RUVBL1: variants seen among roughly 807,000 people sequenced by gnomAD.
The protein encoded by RUVBL1 is ruvB-like 1.
Under a neutral mutation model 52.4 loss-of-function variants are expected in RUVBL1, and 4 were observed. That is an observed-to-expected ratio of 0.08 (90% CI 0.04 to 0.17). The LOEUF is 0.17. Among genes scored for constraint, RUVBL1 ranks in the 10% least tolerant of loss-of-function variants. The pLI is 1.00. For missense variants in RUVBL1, 298 were observed against 572.8 expected, an observed-to-expected ratio of 0.52 and a Z score of 4.90; for synonymous variants, 217 against 214.4, an observed-to-expected ratio of 1.01 and a Z score of -0.10.
At chr3:128,129,157 A>C (rs1032174161) in intron 1 of RUVBL1, among the ~76,000 whole-genome samples, 3 of 152,160 alleles carry the variant, frequency 2.0e-5, no homozygotes, top group Non-Finnish European at 2.9e-5. Context: ...GCTATCTCAA[A>C]AGTCCAGGGT....
intron 1 of RUVBL1, among the ~76,000 whole-genome samples, chr3:128,146,825 GTGTGTGCGCACT>G (rs1219174928): frequency 6.6e-6 from 1 of 151,904 alleles, no homozygotes; most frequent in Non-Finnish European, 1.5e-5. Flanking sequence ...ATGCATCTGT[GTGTGTGCGCACT>G]TGTGTGCGTT....
chr3:128,108,664 C>T (rs887309112), intron 3 of RUVBL1, among the ~76,000 whole-genome samples: 19 of 151,698 alleles, frequency 1.3e-4, no homozygotes, highest in Admixed American at 9.8e-4. Flanking sequence ...GCCACGTACT[C>T]CAGCATGGGC....
chr3:128,079,968 G>A (rs984120402), downstream of RUVBL1, among the ~76,000 whole-genome samples: 3 of 152,196 alleles, frequency 2.0e-5, no homozygotes, highest in Non-Finnish European at 2.9e-5. Context: ...AACAGCGTCC[G>A]GGTACTTAGC....
rs72986259 is a variant in RUVBL1, at chr3:128,107,853, G to A, written c.362-2929C>T. 8.7e-4 allele frequency among the ~76,000 whole-genome samples: 133 copies of A among 152,292 alleles called. 1 individual carries two copies. The highest frequency in any genetic ancestry group is 3.1e-3 in the African/African-American group (129 of 41,564). On this transcript the variant is annotated intron_variant, in intron 3 of 10. Transcript: ENST00000322623. The stretch of plus-strand genomic sequence containing the variant: ...AATCAAACCTTTTATATCCCACAGC[G>A]ATAAATTCCTTCAAATGGAATGCTT...
chr3:128,145,563 G>C (rs899910020), intron 1 of RUVBL1, among the ~76,000 whole-genome samples: 1 of 152,182 alleles, frequency 6.6e-6, no homozygotes, highest in Non-Finnish European at 1.5e-5. Flanking sequence ...TTGGGGTGGG[G>C]TGGATGGGCA....
rs1944196654 is a variant in RUVBL1, at chr3:128,150,995, A to ATATATTCTATATATAT, written c.-40+2207_-40+2208insATATATATAGAATATA. Among the ~76,000 whole-genome samples the ATATATTCTATATATAT allele has an allele frequency of 6.4e-5, 5 of 77,528 alleles. No homozygotes were observed. In the South Asian group the frequency reaches 1.7e-3, roughly 27 times the overall value. 50.9% of individuals were successfully genotyped at this position (77,528 alleles called of 152,430 possible). ...ATATATTATATATTCTATATATATT[A>ATATATTCTATATATAT]TATATATTATATTATATATTATATA... On this transcript the variant is annotated intron_variant, in intron 1 of 9. Transcript: ENST00000464873.
rs370619568 is a variant in RUVBL1 at position 128,065,034 on chromosome 3, C to T, written c.*178G>A. 4.1e-4 allele frequency: 667 copies of T among 1,614,110 alleles called. No individual in the cohort carries two copies. Among genetic ancestry groups the T allele is most frequent in the Non-Finnish European group, 5.4e-4 (635 of 1,180,032 alleles). ...TTGTCTTTGCAGTGGTCATCTATTT[C>T]CAGGTGTGTCCAGATCCAACCCCAG... On this transcript the variant is annotated 3_prime_UTR_variant, in exon 10 of 10. Transcript: ENST00000464873.
chr3:128,103,602 A>G (rs1186854078), intron 4 of RUVBL1, among the ~76,000 whole-genome samples: 2 of 152,232 alleles, frequency 1.3e-5, no homozygotes, highest in Non-Finnish European at 2.9e-5. Context: ...GAGAAAACTG[A>G]GTCCCAGAGA....
chr3:128,108,577 T>A (rs967233380), intron 3 of RUVBL1, among the ~76,000 whole-genome samples: 3 of 152,034 alleles, frequency 2.0e-5, no homozygotes, highest in Admixed American at 2.0e-4. Flanking sequence ...TTCACGCCTG[T>A]AATCCCAGGA....
chr3:128,077,810 G>C (rs990388225), downstream of RUVBL1, among the ~76,000 whole-genome samples: 1 of 152,252 alleles, frequency 6.6e-6, no homozygotes, highest in Non-Finnish European at 1.5e-5. Flanking sequence ...GGCCTAGCAG[G>C]CTGCTTCCTC....
rs141969812 is a variant in RUVBL1, at chr3:128,135,304, G to A, written c.-39-15890C>T. Among the ~76,000 whole-genome samples, 1,299 of 152,294 alleles carry A rather than the reference G, an allele frequency of 8.5e-3. 12 individuals are homozygous for A. The highest frequency in any genetic ancestry group is 0.012 in the Non-Finnish European group (827 of 68,018). ...TCCCAGCACTTTGGGAGGCCGAGGC[G>A]GGTGGATCACCTGATGTCAGGAGTT... On this transcript the variant is annotated intron_variant, in intron 1 of 9. Transcript: ENST00000464873.
chr3:128,148,384 C>G (rs1458424962), intron 1 of RUVBL1, among the ~76,000 whole-genome samples: 2 of 152,298 alleles, frequency 1.3e-5, no homozygotes, highest in Non-Finnish European at 2.9e-5. Flanking sequence ...GAGTCAAGAA[C>G]TGAGCCAGTT....
intron 1 of RUVBL1, among the ~76,000 whole-genome samples, chr3:128,147,509 T>G (rs1396652103): frequency 6.6e-6 from 1 of 152,202 alleles, no homozygotes; most frequent in African/African-American, 2.4e-5. Flanking sequence ...AGTTTGAAAC[T>G]GCAGTGAGCT....
intron 3 of RUVBL1, among the ~76,000 whole-genome samples, chr3:128,111,061 C>T (rs1479134462): frequency 6.6e-6 from 1 of 151,770 alleles, no homozygotes; most frequent in Non-Finnish European, 1.5e-5. Context: ...CCCATCTCTA[C>T]TAAAAATACA....
chr3:128,080,882 C>T lies in RUVBL1; in HGVS notation c.*368G>A, dbSNP rs887438799. 9 of 196,062 alleles carry T rather than the reference C, an allele frequency of 4.6e-5. No individual in the cohort carries two copies. The highest frequency in any genetic ancestry group is 8.4e-5 in the Non-Finnish European group (8 of 94,930). 12.1% of individuals were successfully genotyped at this position (196,062 alleles called of 1,614,324 possible). On this transcript the variant is annotated 3_prime_UTR_variant, in exon 11 of 11. Transcript: ENST00000322623. ...GACAAATGTGCTATCTGATGTAACA[C>T]GTTAACAAGAAGGGAAACTGGGTAC... is the stretch of plus-strand genomic sequence containing the variant.
chr3:128,069,126 A>T (rs9829877), intron 9 of RUVBL1, among the ~76,000 whole-genome samples: 35,163 of 152,208 alleles, frequency 0.23, 4,133 homozygotes, highest in South Asian at 0.27. Context: ...GTGAAATTAA[A>T]TTTAATATAT....
At chr3:128,153,413 C>G in exon 1 of RUVBL1, 2 of 1,416,388 alleles carry the variant, frequency 1.4e-6, no homozygotes, top group Non-Finnish European at 1.8e-6. Flanking sequence ...CACAGCGCGC[C>G]GGTTACGGGG....
At chr3:128,108,854 A>G (rs1360208136) in intron 3 of RUVBL1, among the ~76,000 whole-genome samples, 1 of 152,198 alleles carries the variant, frequency 6.6e-6, no homozygotes, top group Non-Finnish European at 1.5e-5. Flanking sequence ...AGTCATTTCC[A>G]CTGCTATTCC....
chr3:128,153,604 A>C, exon 1 of RUVBL1: 1 of 1,592,722 alleles, frequency 6.3e-7, no homozygotes. Context: ...CACAGCCTCC[A>C]CCGCCGCCTT....
Sources: gnomAD v4.1 joint callset for allele counts (sites outside exome capture counted in the v4.1 genomes callset) on GRCh38, gnomAD v4.1.1 for gene constraint, MANE v1.5 for transcripts, NCBI Gene and HGNC (gene_info 2026-07-23, HGNC 2026-07-21) for gene names.